TXNIP: variants seen among roughly 807,000 people sequenced by gnomAD.
The protein encoded by TXNIP is thioredoxin interacting protein, also known as thioredoxin-interacting protein.
Under a neutral mutation model 43.9 loss-of-function variants are expected in TXNIP, and 23 were observed. The observed-to-expected ratio is 0.52, with a 90% CI of 0.38 to 0.74. The LOEUF is 0.74. TXNIP is among the 30% of genes least tolerant of loss of function. TXNIP has a pLI of 0.00. For synonymous variants in TXNIP, 234 were observed against 172.2 expected (o/e 1.36, Z -2.81); for missense variants, 555 against 485.4 (o/e 1.14, Z -1.35).
intron 4 of TXNIP, 51 bp from the exon 5 acceptor site, chr1:145,994,851 A>C (rs782043374): frequency 6.2e-7 from 1 of 1,613,508 alleles, no homozygotes; most frequent in South Asian, 1.1e-5. Context: ...AGTTAATGAC[A>C]CTTCCTCTAC....
rs1008707048 is a variant in TXNIP, at chr1:145,995,428, T to C, written c.299A>G (p.Lys100Arg). 2.5e-6 allele frequency: 4 copies of C among 1,614,018 alleles called. No homozygotes were observed. Among genetic ancestry groups the C allele is most frequent in the Admixed American group, 1.7e-5 (1 of 59,978 alleles). The stretch of plus-strand genomic sequence containing the variant: ...CCCCTGAGGAAGCTCAAAGCCGAAC[T>C]TGTACTCATATTTGTTTCCAGGTCT... ...IMRPGNKYEY[K>R]FGFELPQGPL... The change falls in exon 2 of 8, where the codon AAG becomes AGG. Residue 100 changes from lysine (K) to arginine (R), a missense_variant. Physicochemically the swap from Lys to Arg is conservative, Grantham distance 26 (BLOSUM62 2). Coordinates refer to ENST00000582401, the MANE Select transcript of TXNIP (RefSeq NM_006472.6).
intron 5 of TXNIP, 40 bp from the exon 6 acceptor site, chr1:145,994,477 G>C (rs1553766039): frequency 1.2e-6 from 2 of 1,613,022 alleles, no homozygotes; most frequent in South Asian, 1.1e-5. Flanking sequence ...CAGAGGTCTG[G>C]AGAAACAAGA....
chr1:145,995,103 C>T (rs1553766243), intron 3 of TXNIP, 41 bp downstream of exon 3: 3 of 1,613,538 alleles, frequency 1.9e-6, no homozygotes, highest in East Asian at 2.2e-5. Context: ...ATTTATCATC[C>T]TCATGACCCA....
In TXNIP at chr1:145,994,636, A is replaced by G. The variant is rs370801661; in HGVS notation, c.739T>C (p.Cys247Arg). 2.5e-6 allele frequency: 4 copies of G among 1,614,078 alleles called. No homozygotes were observed. Among genetic ancestry groups the G allele is most frequent in the African/African-American group, 2.7e-5 (2 of 74,934 alleles). The change falls in exon 5 of 8, where the codon TGC becomes CGC. Residue 247 changes from cysteine to arginine, a missense_variant. Physicochemically the swap from Cys to Arg is radical, Grantham distance 180. Coordinates refer to ENST00000582401, the MANE Select transcript of TXNIP (RefSeq NM_006472.6). ...AGGCTCTTGCCACGCCATGATGCGC[A>G]TGTCCCTGAGATAATATGATTGCCT... ...VRGNHIISGT[C>R]ASWRGKSLRV...
Position 145,996,461 on chromosome 1 carries a change from A to G in TXNIP, c.-195T>C. On this transcript the variant is annotated 5_prime_UTR_variant, in exon 1 of 8. Transcript: ENST00000582401. Reference sequence around the variant, plus strand: ...CTAGGTTTTCGAAAAGGCGCCTAAAAAATATACGCCGCTGGTTACACTAAG... The same window carrying G: ...CTAGGTTTTCGAAAAGGCGCCTAAAGAATATACGCCGCTGGTTACACTAAG... The G allele has an allele frequency of 1.7e-6, 1 of 587,110 alleles. No homozygotes were observed. Among genetic ancestry groups the G allele is most frequent in the Non-Finnish European group, 2.8e-6 (1 of 353,604 alleles). 36.4% of individuals were successfully genotyped at this position (587,110 alleles called of 1,614,324 possible).
At position 145,996,255 on chromosome 1, in the gene TXNIP, G is replaced by A. The variant is rs954271255; in HGVS notation, c.12C>T (p.Phe4=). 1 of 1,613,740 alleles carries A rather than the reference G, an allele frequency of 6.2e-7. No homozygotes were observed. Among genetic ancestry groups the A allele is most frequent in the South Asian group, 1.1e-5 (1 of 91,046 alleles). MVM[F]KKIKSFEVVF... is the part of the protein sequence containing the mutation. ...CCACCTCAAAAGACTTGATCTTCTT[G>A]AACATCACCATGATGGAACTGAGTT... The change falls in exon 1 of 8, where the codon TTC becomes TTT. Residue 4 remains phenylalanine (F), a synonymous_variant. Transcript: ENST00000582401.
Position 145,996,397 on chromosome 1 carries a change from T to C in TXNIP, c.-131A>G. ...AAGGTATTCTTAAGCAGTTTGAGCTTAAAAATAAAATAAGATTTAAACAAA... is the reference window on the plus strand; with the variant it reads ...AAGGTATTCTTAAGCAGTTTGAGCTCAAAAATAAAATAAGATTTAAACAAA... On this transcript the variant is annotated 5_prime_UTR_variant, in exon 1 of 8. Coordinates refer to ENST00000582401, the MANE Select transcript of TXNIP (RefSeq NM_006472.6). 1 of 1,132,078 alleles carries C rather than the reference T, an allele frequency of 8.8e-7. No individual in the cohort carries two copies. Among genetic ancestry groups the C allele is most frequent in the Non-Finnish European group, 1.2e-6 (1 of 803,036 alleles). The allele number at this position is 1,132,078 out of a possible 1,614,324, so 70.1% of individuals were successfully genotyped here. A position where few individuals can be genotyped will look rare whatever the true frequency, so the allele number is the denominator to read the frequency against.
Position 145,996,107 on chromosome 1 carries a change from CT to C in TXNIP, c.159del (p.Val54CysfsTer36). On this transcript the variant is annotated frameshift_variant, in exon 1 of 8. Transcript: ENST00000582401. LOFTEE classifies it high-confidence loss of function. Reference protein sequence around the residue: ...AVRILACGVAKVLWMQGSQQC... With the variant: ...AVRILACGVAXVLWMQGSQQC... Reference sequence around the variant, plus strand: ...TGCTGGGATCCCTGCATCCAAAGCACTTTAGCCACTCCGCAAGCCAGGATCC... The same window carrying C: ...TGCTGGGATCCCTGCATCCAAAGCACTTAGCCACTCCGCAAGCCAGGATCC... The C allele has an allele frequency of 6.8e-6, 11 of 1,614,136 alleles. No individual in the cohort carries two copies. Among genetic ancestry groups the C allele is most frequent in the Non-Finnish European group, 9.3e-6 (11 of 1,180,038 alleles).
rs781878987 is a variant in TXNIP at position 145,994,717 on chromosome 1, T to C, written c.658A>G (p.Thr220Ala). The C allele has an allele frequency of 1.9e-6, 3 of 1,614,210 alleles. No individual in the cohort carries two copies. Among genetic ancestry groups the C allele is most frequent in the Non-Finnish European group, 2.5e-6 (3 of 1,180,038 alleles). Residue 220 changes from threonine (T) to alanine (A), a missense_variant, in exon 5 of 8, where the codon ACT becomes GCT. Transcript: ENST00000582401. ...TTGGTCTGGCCATTGGCAAGGTAAG[T>C]GTGGCGGGCCACAATGGCAGCTTTG... ...VPKAAIVARH[T>A]YLANGQTKVL...
chr1:145,995,796 G>T, intron 1 of TXNIP: 1 of 649,666 alleles, frequency 1.5e-6, no homozygotes, highest in Non-Finnish European at 2.6e-6. Flanking sequence ...ACGCCCCTCA[G>T]GATCCCCTTT....
At position 145,994,309 on chromosome 1, in the gene TXNIP, T is replaced by C. The variant is rs1170769438; in HGVS notation, c.960A>G (p.Val320=). The change falls in exon 6 of 8, where the codon GTA becomes GTG. Residue 320 remains valine (V), a synonymous_variant. Coordinates refer to ENST00000582401, the MANE Select transcript of TXNIP (RefSeq NM_006472.6). The part of the protein sequence containing the change: ...ASRTSSEMSW[V]DLNIPDTPEA... ...CTGGGGTATCAGGGATGTTCAGATC[T>C]ACCCAACTCATCTCAGAGCTGGTTC... 1.2e-6 allele frequency: 2 copies of C among 1,614,096 alleles called. No homozygotes were observed. Among genetic ancestry groups the C allele is most frequent in the African/African-American group, 2.7e-5 (2 of 74,942 alleles).
At position 145,994,270 on chromosome 1, in the gene TXNIP, G is replaced by GTC. The variant is rs782056113; in HGVS notation, c.988+9_988+10dup. ...ACCAGAAACAAAGAAAAGACATTAG[G>GTC]TCTGGCTCACCTTCTGGGGTATCAG... is the stretch of plus-strand genomic sequence containing the variant. On this transcript the variant is annotated intron_variant, in intron 6 of 7. Coordinates refer to ENST00000582401, the MANE Select transcript of TXNIP (RefSeq NM_006472.6). 6.2e-7 allele frequency: 1 copy of GTC among 1,613,610 alleles called. No homozygotes were observed. Among genetic ancestry groups the GTC allele is most frequent in the Non-Finnish European group, 8.5e-7 (1 of 1,179,792 alleles).
rs781829085 is a variant in TXNIP at position 145,993,816 on chromosome 1, C to T, written c.*35G>A. 3.7e-6 allele frequency: 6 copies of T among 1,613,250 alleles called. No individual in the cohort carries two copies. The South Asian group carries it at 6.6e-5, about 18-fold the overall frequency. The stretch of plus-strand genomic sequence containing the variant: ...GTCCAGGAAGAGAGACAAAAAGAAA[C>T]AAGTAGGTAAAGCTGCTTCTTTTCT... On this transcript the variant is annotated 3_prime_UTR_variant, in exon 8 of 8. Coordinates refer to ENST00000582401, the MANE Select transcript of TXNIP (RefSeq NM_006472.6).
At position 145,996,278 on chromosome 1, in the gene TXNIP, G is replaced by A. The variant is rs1553766635; in HGVS notation, c.-12C>T. 5 of 1,611,348 alleles carry A rather than the reference G, an allele frequency of 3.1e-6. No homozygotes were observed. The highest frequency in any genetic ancestry group is 1.6e-4 in the Middle Eastern group (1 of 6,076). ...TTGAACATCACCATGATGGAACTGA[G>A]TTGGTTTTAAGAGTTAGAAATGACG... On this transcript the variant is annotated 5_prime_UTR_variant, in exon 1 of 8. Coordinates refer to ENST00000582401, the MANE Select transcript of TXNIP (RefSeq NM_006472.6).
chr1:145,996,395 C>A lies in TXNIP; in HGVS notation c.-129G>T. 2 of 1,165,932 alleles carry A rather than the reference C, an allele frequency of 1.7e-6. No individual in the cohort carries two copies. Among genetic ancestry groups the A allele is most frequent in the South Asian group, 1.6e-5 (1 of 62,862 alleles). The allele number at this position is 1,165,932 out of a possible 1,614,324, so 72.2% of individuals were successfully genotyped here. A position where few individuals can be genotyped will look rare whatever the true frequency, so the allele number is the denominator to read the frequency against. ...TTAAGGTATTCTTAAGCAGTTTGAG[C>A]TTAAAAATAAAATAAGATTTAAACA... is the stretch of plus-strand genomic sequence containing the variant. On this transcript the variant is annotated 5_prime_UTR_variant, in exon 1 of 8. Transcript: ENST00000582401.
In TXNIP at chr1:145,993,876, C is replaced by T. The variant is rs1421091456; in HGVS notation, c.1151G>A (p.Cys384Tyr). Residue 384 changes from cysteine to tyrosine, a missense_variant, in exon 8 of 8, where the codon TGC (cysteine) becomes TAC (tyrosine). Cys to Tyr is a radical substitution (Grantham distance 194, BLOSUM62 -2). Transcript: ENST00000582401. ...PPPTYTEVDPCILNNNVQ is the reference protein window; with the variant it reads ...PPPTYTEVDPYILNNNVQ ...TCACTGCACATTGTTGTTGAGGATG[C>T]AGGGATCCACCTAAAGAAAGAAACA... 1 of 1,614,078 alleles carries T rather than the reference C, an allele frequency of 6.2e-7. No individual in the cohort carries two copies. The highest frequency in any genetic ancestry group is 8.5e-7 in the Non-Finnish European group (1 of 1,180,036).
chr1:145,993,607 T>C lies in TXNIP; in HGVS notation c.*244A>G. The C allele has an allele frequency of 2.4e-6, 1 of 418,958 alleles. No homozygotes were observed. Among genetic ancestry groups the C allele is most frequent in the Non-Finnish European group, 4.3e-6 (1 of 233,432 alleles). 26.0% of individuals were successfully genotyped at this position (418,958 alleles called of 1,614,324 possible). ...GAAAATGGATGGGCCTGAGTTTTTC[T>C]AGTTATTTTTAAACCCATCCAACAA... On this transcript the variant is annotated 3_prime_UTR_variant, in exon 8 of 8. Transcript: ENST00000582401.
Position 145,996,110 on chromosome 1 carries a change from T to C in TXNIP, c.157A>G (p.Lys53Glu), listed in dbSNP as rs201153026. The change falls in exon 1 of 8, where the codon AAA becomes GAA. Residue 53 changes from lysine to glutamate, a missense_variant. By Grantham distance (56) the Lys-to-Glu change is moderately conservative (BLOSUM62 1). Coordinates refer to ENST00000582401, the MANE Select transcript of TXNIP (RefSeq NM_006472.6). ...TGGGATCCCTGCATCCAAAGCACTT[T>C]AGCCACTCCGCAAGCCAGGATCCTA... ...AVRILACGVA[K>E]VLWMQGSQQC... 1.0e-4 allele frequency: 167 copies of C among 1,614,068 alleles called. No individual in the cohort carries two copies. The highest frequency in any genetic ancestry group is 1.7e-4 in the Middle Eastern group (1 of 6,058).
Position 145,993,725 on chromosome 1 carries a change from G to A in TXNIP, c.*126C>T, listed in dbSNP as rs782156144. The A allele has an allele frequency of 6.7e-5, 72 of 1,080,744 alleles. No homozygotes were observed. In the South Asian group the frequency reaches 9.4e-4, roughly 14 times the overall value. The allele number at this position is 1,080,744 out of a possible 1,614,324, so 66.9% of individuals were successfully genotyped here. A position where few individuals can be genotyped will look rare whatever the true frequency, so the allele number is the denominator to read the frequency against. On this transcript the variant is annotated 3_prime_UTR_variant, in exon 8 of 8. Transcript: ENST00000582401. ...GCCTGCTGACCACCTCCTACATTAG[G>A]AAGTCAGAGGCTAAGGTGGACCCAC...
Sources: gnomAD v4.1 joint callset for allele counts on GRCh38, gnomAD v4.1.1 for gene constraint, MANE v1.5 for transcripts, NCBI Gene and HGNC (gene_info 2026-07-23, HGNC 2026-07-21) for gene names.